POU3F3: variants seen among roughly 807,000 people sequenced by gnomAD.
POU3F3 encodes POU domain, class 3, transcription factor 3.
Under a neutral mutation model 8.6 loss-of-function variants are expected in POU3F3, and 1 was observed. The observed-to-expected ratio is 0.12, with a 90% CI of 0.04 to 0.55. The LOEUF (loss-of-function observed/expected upper bound fraction) is 0.55. POU3F3 is among the 20% of genes least tolerant of loss of function. POU3F3 has a pLI of 0.91. For missense variants in POU3F3, 577 were observed against 690.7 expected (o/e 0.84, Z 1.84); for synonymous variants, 418 against 327.4 (o/e 1.28, Z -2.99).
chr2:104,925,142 T>C, the POU3F3 span, among the ~76,000 whole-genome samples: 2,662 of 152,252 alleles, frequency 0.017, 74 homozygotes, highest in African/African-American at 0.061. Flanking sequence ...CTCTGGGTTT[T>C]GTACTCATGC....
the POU3F3 span, among the ~76,000 whole-genome samples, chr2:104,884,364 C>G: frequency 1.9e-4 from 29 of 152,160 alleles, no homozygotes; most frequent in Non-Finnish European, 3.5e-4. Context: ...CAGAGGAGCC[C>G]TTCCCTCAGC....
the POU3F3 span, among the ~76,000 whole-genome samples, chr2:104,903,253 C>G: frequency 6.6e-6 from 1 of 152,128 alleles, no homozygotes; most frequent in Non-Finnish European, 1.5e-5. Flanking sequence ...AGAAATATTG[C>G]TAATTCCTAC....
the POU3F3 span, among the ~76,000 whole-genome samples, chr2:104,873,426 C>T: frequency 2.2e-4 from 33 of 152,136 alleles, no homozygotes; most frequent in African/African-American, 8.0e-4. Flanking sequence ...CGCAGCTCCT[C>T]CCGTGAGCGC....
At chr2:104,914,804 G>A in the POU3F3 span, among the ~76,000 whole-genome samples, 1 of 152,190 alleles carries the variant, frequency 6.6e-6, no homozygotes, top group African/African-American at 2.4e-5. Context: ...CCCGCAAGGA[G>A]AAGATCTGAC....
the POU3F3 span, among the ~76,000 whole-genome samples, chr2:104,927,539 GA>G: frequency 6.6e-6 from 1 of 152,114 alleles, no homozygotes; most frequent in South Asian, 2.1e-4. Flanking sequence ...AGAATTGCTT[GA>G]GCCAAAGAGT....
At chr2:104,891,351 G>A in the POU3F3 span, among the ~76,000 whole-genome samples, 3 of 151,426 alleles carry the variant, frequency 2.0e-5, no homozygotes, top group Non-Finnish European at 2.9e-5. Flanking sequence ...TAATATTTTA[G>A]TATATTAAAA....
the POU3F3 span, among the ~76,000 whole-genome samples, chr2:104,926,823 A>G: frequency 6.6e-6 from 1 of 152,228 alleles, no homozygotes; most frequent in South Asian, 2.1e-4. Context: ...GGAAACCGTC[A>G]TTCTCAGCAA....
At chr2:104,917,779 A>G in the POU3F3 span, among the ~76,000 whole-genome samples, 4 of 152,150 alleles carry the variant, frequency 2.6e-5, no homozygotes, top group Non-Finnish European at 5.9e-5. Context: ...AGAATCCAGG[A>G]TTCTTCTCTC....
the POU3F3 span, among the ~76,000 whole-genome samples, chr2:104,904,224 G>A: frequency 6.6e-6 from 1 of 152,138 alleles, no homozygotes; most frequent in Non-Finnish European, 1.5e-5. Flanking sequence ...TGTGGGGAAC[G>A]GTTGGAGGGT....
chr2:104,913,363 G>A, the POU3F3 span, among the ~76,000 whole-genome samples: 6 of 152,210 alleles, frequency 3.9e-5, no homozygotes, highest in Non-Finnish European at 4.4e-5. Context: ...TCTGGACCCC[G>A]TTGGGACCAT....
chr2:104,907,695 C>T, the POU3F3 span, among the ~76,000 whole-genome samples: 4 of 152,170 alleles, frequency 2.6e-5, no homozygotes, highest in Non-Finnish European at 5.9e-5. Flanking sequence ...TCCAGGTATA[C>T]AATCCTATTA....
the POU3F3 span, among the ~76,000 whole-genome samples, chr2:104,910,051 G>C: frequency 6.6e-6 from 1 of 152,104 alleles, no homozygotes; most frequent in East Asian, 1.9e-4. Context: ...TCACCATTTC[G>C]TCATTTTTGT....
the POU3F3 span, among the ~76,000 whole-genome samples, chr2:104,910,353 G>T: frequency 1.3e-5 from 2 of 152,188 alleles, no homozygotes. Context: ...ATATCTACAA[G>T]CGGCTTCTTC....
the POU3F3 span, among the ~76,000 whole-genome samples, chr2:104,909,512 GC>G: frequency 6.6e-6 from 1 of 152,216 alleles, no homozygotes; most frequent in Non-Finnish European, 1.5e-5. Context: ...GCTTGCCGCT[GC>G]CCCTGTTCCG....
rs527363620 is a variant in POU3F3 at position 104,854,165 on chromosome 2, T to C, written c.-1346T>C. 2.0e-5 allele frequency among the ~76,000 whole-genome samples: 3 copies of C among 151,312 alleles called. No individual in the cohort carries two copies. The highest frequency in any genetic ancestry group is 6.6e-5 in the Admixed American group (1 of 15,220). On this transcript the variant is annotated 5_prime_UTR_variant, in exon 1 of 1. Coordinates refer to ENST00000361360, the MANE Select transcript of POU3F3 (RefSeq NM_006236.3). The surrounding 1 kb of genome is among the most constrained non-coding windows in gnomAD (Gnocchi z 4.5). Reference sequence around the variant, plus strand: ...GAGGGACAGAGAGCGAACTGTCAGATCGGAGCGAGAGCGGGCGCCCGAGAG... The same window carrying C: ...GAGGGACAGAGAGCGAACTGTCAGACCGGAGCGAGAGCGGGCGCCCGAGAG...
downstream of POU3F3, among the ~76,000 whole-genome samples, chr2:104,861,566 A>T (rs1193017455): frequency 6.6e-6 from 1 of 152,254 alleles, no homozygotes; most frequent in African/African-American, 2.4e-5. Flanking sequence ...TGAGGTTATC[A>T]GTGACCCAGA....
At position 104,856,294 on chromosome 2, in the gene POU3F3, G is replaced by C. The variant is rs1676567011; in HGVS notation, c.784G>C (p.Gly262Arg). ...QSLVHPGLVR[G>R]DTPELAEHHH... Reference sequence around the variant, plus strand: ...CTTGGTGCACCCGGGGCTGGTGCGCGGGGACACGCCAGAGCTGGCCGAGCA... The same window carrying C: ...CTTGGTGCACCCGGGGCTGGTGCGCCGGGACACGCCAGAGCTGGCCGAGCA... The change falls in exon 1 of 1, where the codon GGG becomes CGG. Residue 262 changes from glycine (G) to arginine (R), a missense_variant. Transcript: ENST00000361360. The C allele has an allele frequency of 6.8e-7, 1 of 1,480,848 alleles. No individual in the cohort carries two copies. The highest frequency in any genetic ancestry group is 8.9e-7 in the Non-Finnish European group (1 of 1,124,270). 91.7% of individuals were successfully genotyped at this position (1,480,848 alleles called of 1,614,324 possible). A position where few individuals can be genotyped will look rare whatever the true frequency, so the allele number is the denominator to read the frequency against.
At chr2:104,868,492 G>C in the POU3F3 span, 2 of 394,196 alleles carry the variant, frequency 5.1e-6, no homozygotes, top group Non-Finnish European at 1.0e-5. Context: ...AAGCTCAGAA[G>C]CATCGCTGCA....
At chr2:104,926,374 T>A in the POU3F3 span, among the ~76,000 whole-genome samples, 1 of 152,194 alleles carries the variant, frequency 6.6e-6, no homozygotes, top group Non-Finnish European at 1.5e-5. Flanking sequence ...CCATTGATCA[T>A]TAGAGAAATG....
Sources: allele counts gnomAD v4.1 joint callset (sites outside exome capture counted in the v4.1 genomes callset), GRCh38; gene constraint gnomAD v4.1.1; non-coding constraint Gnocchi (gnomAD v3.1); transcripts MANE v1.5; gene names NCBI Gene and HGNC (gene_info 2026-07-23, HGNC 2026-07-21).